LAMA3: variants seen among roughly 807,000 people sequenced by gnomAD.
LAMA3 encodes the protein laminin subunit alpha-3.
In LAMA3, 281 loss-of-function variants were observed where a neutral mutation model predicts 402.0. That is an observed-to-expected ratio of 0.70 (90% CI 0.63 to 0.77). LAMA3 has a LOEUF of 0.77. Ranked by LOEUF, LAMA3 falls within the 30% of genes least tolerant of loss-of-function variation. The pLI, the probability that LAMA3 is intolerant of heterozygous loss-of-function variation, is 0.00. For missense variants in LAMA3, 3,840 were observed against 4,215.5 expected (o/e 0.91, Z 2.47); for synonymous variants, 1,431 against 1,558.4 (o/e 0.92, Z 1.93).
chr18:23,768,159 A>C (rs1382801600), intron 8 of LAMA3, among the ~76,000 whole-genome samples: 1 of 104,494 alleles, frequency 9.6e-6, no homozygotes, highest in African/African-American at 3.5e-5. Flanking sequence ...AAGAGCTTCT[A>C]TACTACAAAA....
At chr18:23,858,129 C>A (rs545644185) in intron 33 of LAMA3, 141 bp downstream of exon 33, 14 of 1,056,016 alleles carry the variant, frequency 1.3e-5, no homozygotes, top group Non-Finnish European at 4.2e-6. Context: ...TTTATAGTCA[C>A]GATCTCATTT....
intron 32 of LAMA3, among the ~76,000 whole-genome samples, chr18:23,848,024 G>A (rs2063859987): frequency 6.6e-6 from 1 of 152,252 alleles, no homozygotes; most frequent in Non-Finnish European, 1.5e-5. Context: ...TTGCTGGGAT[G>A]CCTTGTGGTG....
chr18:23,909,251 A>G lies in LAMA3; in HGVS notation c.7114A>G (p.Arg2372Gly). The G allele has an allele frequency of 6.2e-7, 1 of 1,613,678 alleles. No homozygotes were observed. Among genetic ancestry groups the G allele is most frequent in the Non-Finnish European group, 8.5e-7 (1 of 1,180,022 alleles). The change falls in exon 55 of 75, where the codon AGA becomes GGA. Residue 2372 changes from arginine (R) to glycine (G), a missense_variant. Coordinates refer to ENST00000313654, the MANE Select transcript of LAMA3 (RefSeq NM_198129.4). ...PLGNISDNMD[R>G]IRELIQQARD... is the part of the protein sequence containing the mutation. ...GGGAAACATCTCTGACAACATGGAC[A>G]GAATACGAGAACTAATTCAGCAGGC...
intron 12 of LAMA3, among the ~76,000 whole-genome samples, chr18:23,794,713 T>C (rs563739346): frequency 2.0e-5 from 3 of 152,292 alleles, no homozygotes; most frequent in Admixed American, 2.0e-4. Flanking sequence ...AAAAGGGCCG[T>C]GGGAGTTAGT....
intron 68 of LAMA3, among the ~76,000 whole-genome samples, chr18:23,941,328 C>CG (rs1286463718): frequency 2.5e-5 from 3 of 119,676 alleles, no homozygotes; most frequent in Non-Finnish European, 5.2e-5. Flanking sequence ...AGCTTGGCGC[C>CG]CCCCCCCCGC....
intron 6 of LAMA3, among the ~76,000 whole-genome samples, chr18:23,756,823 G>C (rs1327637227): frequency 1.3e-5 from 2 of 152,138 alleles, no homozygotes; most frequent in East Asian, 3.9e-4. Context: ...CCTGGATGGG[G>C]CGCCTGCACC....
intron 23 of LAMA3, among the ~76,000 whole-genome samples, chr18:23,833,550 G>A (rs1408488806): frequency 7.2e-5 from 11 of 152,116 alleles, no homozygotes. Flanking sequence ...TCTCTAAGTA[G>A]GGCTGCCAGA....
At chr18:23,849,971 G>A (rs915466675) in intron 32 of LAMA3, among the ~76,000 whole-genome samples, 6 of 152,180 alleles carry the variant, frequency 3.9e-5, no homozygotes, top group Non-Finnish European at 5.9e-5. Context: ...GATAATTTCA[G>A]TGTAAATGCT....
At position 23,932,207 on chromosome 18, in the gene LAMA3, T is replaced by TA; in HGVS notation, c.8628dup (p.His2877ThrfsTer17). On this transcript the variant is annotated frameshift_variant, in exon 66 of 75. Coordinates refer to ENST00000313654, the MANE Select transcript of LAMA3 (RefSeq NM_198129.4). LOFTEE classifies it high-confidence loss of function. ...CAGCTTCTGAGAAATAGCAAAAGGC[T>TA]AAAACACATTTCAAGTTCCCGGCAG... 6.2e-7 allele frequency: 1 copy of TA among 1,614,176 alleles called. No homozygotes were observed. Among genetic ancestry groups the TA allele is most frequent in the Non-Finnish European group, 8.5e-7 (1 of 1,179,972 alleles).
intron 35 of LAMA3, 84 bp from the exon 36 acceptor site, chr18:23,864,701 G>C: frequency 1.1e-6 from 1 of 870,128 alleles, no homozygotes; most frequent in Non-Finnish European, 1.9e-6. Context: ...CACACCTTGT[G>C]TGCCTAAGTG....
At position 23,689,736 on chromosome 18, in the gene LAMA3, C is replaced by G. The variant is rs748928607; in HGVS notation, c.53C>G (p.Pro18Arg). 3.6e-5 allele frequency: 54 copies of G among 1,492,762 alleles called. No homozygotes were observed. In the African/African-American group the frequency reaches 5.8e-4, roughly 16 times the overall value. The allele number at this position is 1,492,762 out of a possible 1,614,324, so 92.5% of individuals were successfully genotyped here. A position where few individuals can be genotyped will look rare whatever the true frequency, so the allele number is the denominator to read the frequency against. ...RGRALGPVLPPTPLLLLVLRV... is the reference protein window; with the variant it reads ...RGRALGPVLPRTPLLLLVLRV... Reference sequence around the variant, plus strand: ...CGGGCACTGGGGCCAGTACTGCCGCCGACGCCGCTGCTCCTGCTGGTACTG... The same window carrying G: ...CGGGCACTGGGGCCAGTACTGCCGCGGACGCCGCTGCTCCTGCTGGTACTG... The change falls in exon 1 of 75, where the codon CCG becomes CGG. Residue 18 changes from proline (P) to arginine (R), a missense_variant. By Grantham distance (103) the Pro-to-Arg change is moderately radical. Around this residue, in one of 3 missense-constraint regions of LAMA3, gnomAD observed 2,109 missense variants for 2,376.0 expected, o/e 0.89. Transcript: ENST00000313654.
chr18:23,738,378 GAGA>G (rs1175766569), intron 2 of LAMA3, among the ~76,000 whole-genome samples: 1 of 152,090 alleles, frequency 6.6e-6, no homozygotes, highest in Non-Finnish European at 1.5e-5. Flanking sequence ...TCCTTCTGGA[GAGA>G]AGAAGGAGCG....
At chr18:23,846,244 A>G in intron 30 of LAMA3, 53 bp from the exon 31 acceptor site, 1 of 1,561,984 alleles carries the variant, frequency 6.4e-7, no homozygotes, top group Non-Finnish European at 8.8e-7. Context: ...GGTTGAGGCC[A>G]CTCCCATACA....
chr18:23,706,893 A>G (rs2060899493), intron 1 of LAMA3, among the ~76,000 whole-genome samples: 1 of 152,182 alleles, frequency 6.6e-6, no homozygotes, highest in South Asian at 2.1e-4. Flanking sequence ...AGCCTGACCA[A>G]CATGGAGAAA....
At chr18:23,784,567 G>A (rs2062503046) in intron 12 of LAMA3, among the ~76,000 whole-genome samples, 2 of 152,128 alleles carry the variant, frequency 1.3e-5, no homozygotes, top group African/African-American at 2.4e-5. Flanking sequence ...AGGAGGCAGG[G>A]TGTTCTAGAG....
At chr18:23,723,775 G>A (rs2061252228) in intron 2 of LAMA3, among the ~76,000 whole-genome samples, 1 of 151,864 alleles carries the variant, frequency 6.6e-6, no homozygotes, top group South Asian at 2.1e-4. Flanking sequence ...AACCTAGGAG[G>A]GTTCTTGTGA....
At chr18:23,817,935 C>T (rs2063209928) in intron 18 of LAMA3, among the ~76,000 whole-genome samples, 1 of 152,148 alleles carries the variant, frequency 6.6e-6, no homozygotes, top group South Asian at 2.1e-4. Flanking sequence ...GGGCGGATCA[C>T]CTGAGGTCAG....
chr18:23,867,979 T>A, intron 37 of LAMA3, 62 bp downstream of exon 37: 1 of 1,267,504 alleles, frequency 7.9e-7, no homozygotes, highest in Middle Eastern at 1.9e-4. Flanking sequence ...TTTCAGACAA[T>A]CATGATTTTT....
At chr18:23,761,154 A>G (rs2061959974) in intron 7 of LAMA3, among the ~76,000 whole-genome samples, 1 of 152,154 alleles carries the variant, frequency 6.6e-6, no homozygotes, top group Non-Finnish European at 1.5e-5. Flanking sequence ...CTATTTCCCC[A>G]TGTTTTCCCA....
Sources: allele counts gnomAD v4.1 joint callset (sites outside exome capture counted in the v4.1 genomes callset), GRCh38; gene constraint gnomAD v4.1.1; regional missense constraint gnomAD v4.1.1; transcripts MANE v1.5; gene names NCBI Gene and HGNC (gene_info 2026-07-23, HGNC 2026-07-21).